EYS: variants seen among roughly 807,000 people sequenced by gnomAD.
The protein encoded by EYS is EGF-like photoreceptor maintenance factor.
A neutral mutation model predicts 282.1 loss-of-function variants in EYS; 250 were observed. The observed-to-expected ratio is 0.89, with a 90% CI of 0.80 to 0.98. The LOEUF (loss-of-function observed/expected upper bound fraction) is 0.98, where lower values mean the gene tolerates loss of function less well. Ranked by LOEUF, EYS falls within the 50% of genes least tolerant of loss-of-function variation. The pLI is 0.00. For synonymous variants in EYS, 1,355 were observed against 1,282.9 expected (o/e 1.06, Z -1.20); for missense variants, 4,016 against 3,709.0 (o/e 1.08, Z -2.15).
chr6:64,511,195 G>T (rs1229528849), intron 26 of EYS, among the ~76,000 whole-genome samples: 3 of 135,974 alleles, frequency 2.2e-5, no homozygotes, highest in Non-Finnish European at 4.5e-5. Context: ...AGTTGACCCT[G>T]AAGAGAAGGC....
chr6:65,086,215 C>T (rs1774368018), intron 12 of EYS, among the ~76,000 whole-genome samples: 1 of 152,000 alleles, frequency 6.6e-6, no homozygotes, highest in Non-Finnish European at 1.5e-5. Context: ...ATTTGAGAGG[C>T]TGAGGCAGGA....
chr6:64,960,176 T>C (rs1248487773), intron 14 of EYS, among the ~76,000 whole-genome samples: 2 of 152,120 alleles, frequency 1.3e-5, no homozygotes, highest in African/African-American at 4.8e-5. Flanking sequence ...ATTTTCTTAA[T>C]CCTGTTAACA....
intron 12 of EYS, among the ~76,000 whole-genome samples, chr6:65,284,092 G>T (rs1768294959): frequency 6.6e-6 from 1 of 152,196 alleles, no homozygotes; most frequent in African/African-American, 2.4e-5. Context: ...CACCTGCCAA[G>T]AATTGAAATG....
intron 22 of EYS, among the ~76,000 whole-genome samples, chr6:64,697,825 C>T (rs144864268): frequency 0.015 from 2,229 of 152,074 alleles, 26 homozygotes; most frequent in Non-Finnish European, 0.021. Flanking sequence ...ACCTGTAGTC[C>T]CAGCTACTCA....
intron 15 of EYS, among the ~76,000 whole-genome samples, chr6:64,925,397 A>G (rs1015816278): frequency 1.3e-5 from 2 of 151,398 alleles, no homozygotes; most frequent in Non-Finnish European, 2.9e-5. Context: ...TAGACTCTGT[A>G]TGATTTCTTT....
intron 35 of EYS, among the ~76,000 whole-genome samples, chr6:63,900,421 A>G (rs1180741326): frequency 6.6e-6 from 1 of 152,188 alleles, no homozygotes; most frequent in Non-Finnish European, 1.5e-5. Flanking sequence ...ATTTCTCTTA[A>G]TAGCAAACAA....
At chr6:64,539,857 C>T (rs77164403) in intron 26 of EYS, among the ~76,000 whole-genome samples, 16 of 152,314 alleles carry the variant, frequency 1.1e-4, no homozygotes, top group Admixed American at 8.5e-4. Flanking sequence ...GTGCCCATTG[C>T]TTCTGATGCC....
intron 30 of EYS, among the ~76,000 whole-genome samples, chr6:64,295,161 T>G (rs1768874243): frequency 6.6e-6 from 1 of 150,946 alleles, no homozygotes; most frequent in African/African-American, 2.4e-5. Context: ...GATCACGAGG[T>G]CAGGAGATCA....
chr6:64,660,461 A>G (rs1192175733), intron 22 of EYS, among the ~76,000 whole-genome samples: 1 of 152,040 alleles, frequency 6.6e-6, no homozygotes, highest in African/African-American at 2.4e-5. Context: ...CTGTTTGCAG[A>G]TGACATGATT....
At chr6:64,017,200 A>G (rs1768935920) in intron 33 of EYS, among the ~76,000 whole-genome samples, 2 of 152,030 alleles carry the variant, frequency 1.3e-5, no homozygotes, top group African/African-American at 4.8e-5. Context: ...AACAGGAAGG[A>G]GAGGGAGGCA....
At chr6:64,026,547 C>T (rs1269117747) in intron 33 of EYS, among the ~76,000 whole-genome samples, 2 of 152,178 alleles carry the variant, frequency 1.3e-5, no homozygotes, top group Non-Finnish European at 2.9e-5. Context: ...TACTATCCTG[C>T]AGCTTGACCT....
intron 33 of EYS, among the ~76,000 whole-genome samples, chr6:64,021,394 G>C (rs1000108926): frequency 2.0e-5 from 3 of 151,660 alleles, no homozygotes; most frequent in Non-Finnish European, 4.4e-5. Context: ...CAGGGAATGA[G>C]GATGCTACTG....
At chr6:65,687,438 G>A (rs561019443) in intron 1 of EYS, among the ~76,000 whole-genome samples, 69 of 151,950 alleles carry the variant, frequency 4.5e-4, no homozygotes, top group African/African-American at 9.2e-4. Context: ...CTACTTTTCC[G>A]CCTTTTGTAA....
chr6:63,751,034 T>C (rs1448928181), intron 41 of EYS, among the ~76,000 whole-genome samples: 2 of 152,236 alleles, frequency 1.3e-5, no homozygotes, highest in Non-Finnish European at 2.9e-5. Context: ...TCAGCACATC[T>C]ATTTAATCAC....
chr6:63,739,370 C>G (rs142652518), intron 41 of EYS, among the ~76,000 whole-genome samples: 2 of 152,110 alleles, frequency 1.3e-5, no homozygotes, highest in Non-Finnish European at 2.9e-5. Context: ...CTCCCTGGAG[C>G]TCTTTAGAGT....
intron 26 of EYS, among the ~76,000 whole-genome samples, chr6:64,513,939 A>G (rs1777484458): frequency 6.6e-6 from 1 of 151,932 alleles, no homozygotes; most frequent in Non-Finnish European, 1.5e-5. Flanking sequence ...CCACTGCTGT[A>G]CTATGGAAAG....
At chr6:65,190,885 A>T (rs841529) in intron 12 of EYS, among the ~76,000 whole-genome samples, 52,435 of 151,634 alleles carry the variant, frequency 0.35, 9,584 homozygotes, top group African/African-American at 0.46. Flanking sequence ...GGTTATTACT[A>T]ATACAAAAAT....
At chr6:64,297,504 G>A (rs767797876) in intron 30 of EYS, among the ~76,000 whole-genome samples, 7 of 152,226 alleles carry the variant, frequency 4.6e-5, no homozygotes, top group Non-Finnish European at 1.0e-4. Flanking sequence ...TAAAGACGAA[G>A]TGAAAATCTT....
rs188262096 is a variant in EYS at position 64,315,960 on chromosome 6, C to T, written c.6079-8878G>A. Among the ~76,000 whole-genome samples the T allele has an allele frequency of 8.5e-4, 130 of 152,276 alleles. 1 individual carries two copies. The highest frequency in any genetic ancestry group is 4.6e-4 in the Admixed American group (7 of 15,294). On this transcript the variant is annotated intron_variant, in intron 29 of 42. Transcript: ENST00000503581. ...TCCATCACATAAACAGAACCAATGA[C>T]AAAAACCACATGATTATCTCAATAG...
Sources: gnomAD v4.1 joint callset for allele counts (sites outside exome capture counted in the v4.1 genomes callset) on GRCh38, gnomAD v4.1.1 for gene constraint, MANE v1.5 for transcripts, NCBI Gene and HGNC (gene_info 2026-07-23, HGNC 2026-07-21) for gene names.